CCDC148: variants seen among roughly 807,000 people sequenced by gnomAD.
The protein encoded by CCDC148 is coiled-coil domain containing 148.
A neutral mutation model predicts 85.7 loss-of-function variants in CCDC148; 89 were observed. The ratio of observed to expected loss-of-function variants is 1.04; its 90% CI spans 0.87 to 1.24. CCDC148 has a LOEUF of 1.24. Ranked by LOEUF, CCDC148 falls within the 50% of genes most tolerant of loss-of-function variation. The pLI is 0.00. For synonymous variants in CCDC148, 230 were observed against 213.9 expected (o/e 1.08, Z -0.66); for missense variants, 692 against 671.7 (o/e 1.03, Z -0.33).
At chr2:158,346,303 T>G (rs1053112861) in intron 2 of CCDC148, among the ~76,000 whole-genome samples, 1 of 152,198 alleles carries the variant, frequency 6.6e-6, no homozygotes, top group Non-Finnish European at 1.5e-5. Flanking sequence ...TCTTGCCTTC[T>G]CTACTCTCAC....
chr2:158,340,348 A>G lies in CCDC148; in HGVS notation c.380T>C (p.Ile127Thr), dbSNP rs1256452465. ...TGCTCTCAGCTGCTGAATAGGATTTATTACATTTTTAAGATATGTGCACTG... is the reference window on the plus strand; with the variant it reads ...TGCTCTCAGCTGCTGAATAGGATTTGTTACATTTTTAAGATATGTGCACTG... ...EQQCTYLKNV[I>T]NPIQQLRADL... The change falls in exon 5 of 14, where the codon ATA (isoleucine) becomes ACA (threonine). Residue 127 changes from isoleucine to threonine, a missense_variant. Physicochemically the swap from Ile to Thr is moderately conservative, Grantham distance 89. Transcript: ENST00000283233. 1.2e-6 allele frequency: 2 copies of G among 1,613,950 alleles called. No homozygotes were observed. Among genetic ancestry groups the G allele is most frequent in the Non-Finnish European group, 8.5e-7 (1 of 1,179,936 alleles).
chr2:158,318,135 T>G (rs1229423633), intron 7 of CCDC148, among the ~76,000 whole-genome samples: 2 of 152,210 alleles, frequency 1.3e-5, no homozygotes, highest in Non-Finnish European at 2.9e-5. Flanking sequence ...CATCCACCAA[T>G]GATCCCAGCC....
intron 11 of CCDC148, among the ~76,000 whole-genome samples, chr2:158,212,871 T>C (rs1324859964): frequency 6.6e-6 from 1 of 152,284 alleles, no homozygotes; most frequent in Admixed American, 6.5e-5. Flanking sequence ...GTGAGGGTAC[T>C]GTCTAGGAAA....
chr2:158,209,101 T>C (rs1193973377), intron 11 of CCDC148, among the ~76,000 whole-genome samples: 1 of 151,552 alleles, frequency 6.6e-6, no homozygotes, highest in Non-Finnish European at 1.5e-5. Flanking sequence ...TATGTATGTA[T>C]ATATATAAAT....
intron 7 of CCDC148, among the ~76,000 whole-genome samples, chr2:158,320,897 G>A (rs1692490832): frequency 6.6e-6 from 1 of 152,156 alleles, no homozygotes. Flanking sequence ...GGCAGGTGAA[G>A]CTGCAGTGAT....
chr2:158,383,764 C>T (rs1171682787), intron 1 of CCDC148, among the ~76,000 whole-genome samples: 1 of 152,134 alleles, frequency 6.6e-6, no homozygotes, highest in Non-Finnish European at 1.5e-5. Context: ...CATTCTACTA[C>T]ATAACCACAA....
chr2:158,444,785 G>GAAAAAAAAAAAAAAAA (rs11433320), intron 1 of CCDC148, among the ~76,000 whole-genome samples: 1 of 66,660 alleles, frequency 1.5e-5, no homozygotes, highest in Non-Finnish European at 2.5e-5. Flanking sequence ...ACCCTGTCTT[G>GAAAAAAAAAAAAAAAA]AAAAAAAAAA....
chr2:158,307,039 A>C (rs2105205987), intron 9 of CCDC148, among the ~76,000 whole-genome samples: 1 of 151,102 alleles, frequency 6.6e-6, no homozygotes, highest in African/African-American at 2.4e-5. Context: ...AAAAATAGTT[A>C]TTTTACTATA....
At chr2:158,326,572 G>A (rs1445396016) in intron 7 of CCDC148, among the ~76,000 whole-genome samples, 2 of 151,946 alleles carry the variant, frequency 1.3e-5, no homozygotes, top group Admixed American at 1.3e-4. Flanking sequence ...TTTCCTTTTG[G>A]CTGTTCACCA....
At chr2:158,430,296 T>A (rs1356432169) in intron 1 of CCDC148, among the ~76,000 whole-genome samples, 1 of 152,012 alleles carries the variant, frequency 6.6e-6, no homozygotes, top group Non-Finnish European at 1.5e-5. Context: ...TACCAAAGCT[T>A]AAAAACAAGC....
At chr2:158,396,961 A>C (rs1053057316) in intron 1 of CCDC148, among the ~76,000 whole-genome samples, 1 of 152,018 alleles carries the variant, frequency 6.6e-6, no homozygotes, top group African/African-American at 2.4e-5. Context: ...ATTCATTTGG[A>C]AACTCTTATG....
chr2:158,306,205 A>G (rs1241181836), intron 9 of CCDC148, among the ~76,000 whole-genome samples: 1 of 152,070 alleles, frequency 6.6e-6, no homozygotes, highest in African/African-American at 2.4e-5. Flanking sequence ...TGCATTTTCA[A>G]AATTCATAGA....
intron 1 of CCDC148, among the ~76,000 whole-genome samples, chr2:158,366,936 AAGG>A (rs1684231162): frequency 6.6e-6 from 1 of 152,202 alleles, no homozygotes; most frequent in Admixed American, 6.5e-5. Flanking sequence ...ACCTTCTTAA[AAGG>A]AGGAGAAGAT....
chr2:158,258,031 C>T (rs1446700312), intron 9 of CCDC148, among the ~76,000 whole-genome samples: 1 of 151,834 alleles, frequency 6.6e-6, no homozygotes, highest in Admixed American at 6.6e-5. Flanking sequence ...GGCCTCAAAT[C>T]CTCTTCTAAA....
At chr2:158,379,291 G>T (rs1338061597) in intron 1 of CCDC148, among the ~76,000 whole-genome samples, 3 of 152,170 alleles carry the variant, frequency 2.0e-5, no homozygotes. Flanking sequence ...GCCTGAAGAT[G>T]TGACTGAATT....
intron 9 of CCDC148, among the ~76,000 whole-genome samples, chr2:158,252,433 T>G (rs2105143443): frequency 6.6e-6 from 1 of 151,830 alleles, no homozygotes; most frequent in Non-Finnish European, 1.5e-5. Flanking sequence ...AAACCTTTCC[T>G]TTCTGTAATT....
chr2:158,186,526 C>T (rs946073785), intron 11 of CCDC148, among the ~76,000 whole-genome samples: 6 of 152,054 alleles, frequency 3.9e-5, no homozygotes, highest in Admixed American at 2.0e-4. Flanking sequence ...CATTGTTCAA[C>T]AATATTTATT....
At chr2:158,439,418 T>C (rs897398281) in intron 1 of CCDC148, among the ~76,000 whole-genome samples, 3 of 152,038 alleles carry the variant, frequency 2.0e-5, no homozygotes, top group Non-Finnish European at 4.4e-5. Flanking sequence ...TATGTGGGAA[T>C]TGAACAATCA....
intron 11 of CCDC148, among the ~76,000 whole-genome samples, chr2:158,217,372 G>T (rs866093709): frequency 1.4e-5 from 1 of 72,310 alleles, no homozygotes; most frequent in Non-Finnish European, 3.1e-5. Context: ...TTGTGTGTGT[G>T]TGTATATATA....
Sources: gnomAD v4.1 joint callset for allele counts (sites outside exome capture counted in the v4.1 genomes callset) on GRCh38, gnomAD v4.1.1 for gene constraint, MANE v1.5 for transcripts, NCBI Gene and HGNC (gene_info 2026-07-23, HGNC 2026-07-21) for gene names.